The following FBN2 variants were observed in gnomAD, a reference collection of about 807,000 sequenced individuals.
The protein encoded by FBN2 is fibrillin 2.
FBN2 carries 105 observed loss-of-function variants against 355.6 expected under a neutral mutation model. The observed-to-expected ratio is 0.30, with a 90% CI of 0.25 to 0.35. The LOEUF (loss-of-function observed/expected upper bound fraction) is 0.35. Among genes scored for constraint, FBN2 ranks in the 10% least tolerant of loss-of-function variants. The pLI, the probability that FBN2 is intolerant of heterozygous loss-of-function variation, is 1.00. For synonymous variants in FBN2, 1,350 were observed against 1,301.2 expected, an observed-to-expected ratio of 1.04 and a Z score of -0.81; for missense variants, 3,280 against 3,758.7, an observed-to-expected ratio of 0.87 and a Z score of 3.33.
chr5:128,507,563 C>A (rs1406846225), intron 5 of FBN2, among the ~76,000 whole-genome samples: 1 of 151,974 alleles, frequency 6.6e-6, no homozygotes. Flanking sequence ...ATGGCTGAAT[C>A]CACATGCATG....
At chr5:128,524,041 T>C (rs991527484) in intron 4 of FBN2, among the ~76,000 whole-genome samples, 1 of 152,108 alleles carries the variant, frequency 6.6e-6, no homozygotes, top group African/African-American at 2.4e-5. Context: ...ATATTTAGGC[T>C]GTAGTCCAAA....
At chr5:128,472,522 T>C (rs376994756) in intron 5 of FBN2, among the ~76,000 whole-genome samples, 167 of 152,236 alleles carry the variant, frequency 1.1e-3, no homozygotes, top group Middle Eastern at 6.8e-3. Flanking sequence ...CTGGGCACAG[T>C]GGCTCACACT....
chr5:128,365,546 T>C (rs1751744168), intron 17 of FBN2, among the ~76,000 whole-genome samples: 1 of 152,044 alleles, frequency 6.6e-6, no homozygotes, highest in Non-Finnish European at 1.5e-5. Flanking sequence ...AAAAGTTTAC[T>C]TTTCACTCTG....
rs532080579 is a variant in FBN2 at position 128,335,370 on chromosome 5, T to C, written c.3848-75A>G. On this transcript the variant is annotated intron_variant, in intron 29 of 64. Coordinates refer to ENST00000262464, the MANE Select transcript of FBN2 (RefSeq NM_001999.4). ...ATCTCAAATGTTTTTGTTTTCTATC[T>C]GGTTCCACTTGGTAATATCTGGAGC... The C allele has an allele frequency of 1.1e-5, 18 of 1,611,666 alleles. No homozygotes were observed. In the Admixed American group the frequency reaches 2.3e-4, roughly 21 times the overall value.
At chr5:128,303,913 T>C (rs1297254388) in intron 45 of FBN2, among the ~76,000 whole-genome samples, 1 of 152,160 alleles carries the variant, frequency 6.6e-6, no homozygotes, top group Non-Finnish European at 1.5e-5. Flanking sequence ...AGGGAGTTCA[T>C]GCAAATAAGA....
chr5:128,357,787 C>G (rs1371006695), intron 19 of FBN2, among the ~76,000 whole-genome samples: 1 of 152,120 alleles, frequency 6.6e-6, no homozygotes, highest in Non-Finnish European at 1.5e-5. Context: ...CTTAAAAAGT[C>G]TATCTTAGAT....
intron 5 of FBN2, among the ~76,000 whole-genome samples, chr5:128,482,576 G>A (rs577272005): frequency 1.4e-4 from 21 of 152,248 alleles, no homozygotes; most frequent in Admixed American, 1.1e-3. Flanking sequence ...CTTGTGGGTA[G>A]GAGGTGGAGT....
At chr5:128,378,007 A>ATTTT (rs1451252549) in intron 12 of FBN2, 130 bp from the exon 13 acceptor site, 136 of 555,150 alleles carry the variant, frequency 2.4e-4, no homozygotes, top group Non-Finnish European at 3.0e-4. Context: ...GTCTCTCAGC[A>ATTTT]GTTTTTTTTT....
intron 62 of FBN2, 64 bp from the exon 63 acceptor site, chr5:128,263,720 T>C: frequency 8.7e-7 from 1 of 1,146,724 alleles, no homozygotes; most frequent in South Asian, 1.4e-5. Context: ...CGTGAACAAG[T>C]CTGGAGTCTC....
chr5:128,422,387 G>T (rs986365050), intron 7 of FBN2, among the ~76,000 whole-genome samples: 3 of 152,164 alleles, frequency 2.0e-5, no homozygotes, highest in African/African-American at 4.8e-5. Context: ...GAGATAACTG[G>T]TATACACTAA....
intron 5 of FBN2, among the ~76,000 whole-genome samples, chr5:128,516,407 T>A (rs1756281770): frequency 6.7e-6 from 1 of 150,138 alleles, no homozygotes; most frequent in Admixed American, 6.7e-5. Context: ...GTATAAAAGG[T>A]CATTGTACAT....
chr5:128,429,590 TG>T (rs1421440371), intron 7 of FBN2, among the ~76,000 whole-genome samples: 1 of 152,154 alleles, frequency 6.6e-6, no homozygotes, highest in Non-Finnish European at 1.5e-5. Flanking sequence ...TTATACTTTG[TG>T]GAAAAAAACA....
chr5:128,450,835 T>C (rs1031952292), intron 6 of FBN2, among the ~76,000 whole-genome samples: 1 of 152,122 alleles, frequency 6.6e-6, no homozygotes, highest in African/African-American at 2.4e-5. Flanking sequence ...TCTTCAAACT[T>C]ACAAGCTTAC....
chr5:128,284,126 T>C (rs1749067544), intron 55 of FBN2, among the ~76,000 whole-genome samples: 1 of 152,214 alleles, frequency 6.6e-6, no homozygotes, highest in African/African-American at 2.4e-5. Context: ...TCTTTAAAAA[T>C]GTGTAAAATA....
chr5:128,334,579 G>GGTCACACACTC, intron 31 of FBN2, 140 bp downstream of exon 31: 1 of 922,684 alleles, frequency 1.1e-6, no homozygotes. Context: ...ACATCCTATA[G>GGTCACACACTC]GTCACACACT....
chr5:128,351,114 G>A, intron 20 of FBN2, 109 bp from the exon 21 acceptor site: 2 of 1,332,180 alleles, frequency 1.5e-6, no homozygotes, highest in East Asian at 4.7e-5. Flanking sequence ...AAAGATTACT[G>A]GCTCACGCCT....
In FBN2 at chr5:128,310,114, G is replaced by A; in HGVS notation, c.5075-6C>T. On this transcript the variant is annotated splice_polypyrimidine_tract_variant and splice_region_variant and intron_variant, in intron 39 of 64. Transcript: ENST00000262464. ...TGCAAAACACTCATCAATATCTAGA[G>A]TAGGCAAGAATATCTATTAATTAAT... 1 of 1,607,710 alleles carries A rather than the reference G, an allele frequency of 6.2e-7. No individual in the cohort carries two copies. Among genetic ancestry groups the A allele is most frequent in the Non-Finnish European group, 8.5e-7 (1 of 1,174,584 alleles).
At chr5:128,369,031 A>T in intron 16 of FBN2, 151 bp downstream of exon 16, 1 of 764,894 alleles carries the variant, frequency 1.3e-6, no homozygotes, top group Non-Finnish European at 2.2e-6. Flanking sequence ...TCTCCTTATT[A>T]TATGCCTCAC....
chr5:128,525,012 C>T (rs1279826988), intron 4 of FBN2, among the ~76,000 whole-genome samples: 3 of 152,154 alleles, frequency 2.0e-5, no homozygotes, highest in Non-Finnish European at 2.9e-5. Context: ...CCATCCCCTG[C>T]CTTCTCATTC....
Sources: gnomAD v4.1 joint callset for allele counts (sites outside exome capture counted in the v4.1 genomes callset) on GRCh38, gnomAD v4.1.1 for gene constraint, MANE v1.5 for transcripts, NCBI Gene and HGNC (gene_info 2026-07-23, HGNC 2026-07-21) for gene names.